Variants in LDB1 observed in about 807,000 individuals in gnomAD.
The protein encoded by LDB1 is LIM domain binding 1, also known as LIM domain-binding protein 1.
LDB1 carries 6 observed loss-of-function variants against 49.7 expected under a neutral mutation model. The observed-to-expected ratio is 0.12, with a 90% CI of 0.07 to 0.24. The LOEUF is 0.24. LDB1 is among the 10% of genes least tolerant of loss of function. The pLI is 1.00. For missense variants in LDB1, 341 were observed against 561.7 expected (o/e 0.61, Z 3.97); for synonymous variants, 233 against 202.0 (o/e 1.15, Z -1.30).
intron 1 of LDB1, among the ~76,000 whole-genome samples, chr10:102,118,280 T>C (rs2068358789): frequency 6.6e-6 from 1 of 152,090 alleles, no homozygotes; most frequent in Non-Finnish European, 1.5e-5. Flanking sequence ...CCACCCTCTT[T>C]GGCATCAATC....
Position 102,111,482 on chromosome 10 carries a change from T to C in LDB1, c.80A>G (p.Asn27Ser). The change falls in exon 2 of 11, where the codon AAC becomes AGC. Residue 27 changes from asparagine to serine, a missense_variant. Coordinates refer to ENST00000673968, the MANE Select transcript of LDB1 (RefSeq NM_001113407.3). ...GCCGGGATGGAAGGGGGGAAAGGCG[T>C]TGCCGTTCGGGGGCTCCTTCGGCGA... The part of the protein sequence containing the change: ...LYSPKEPPNG[N>S]AFPPFHPGTM... 1 of 1,560,418 alleles carries C rather than the reference T, an allele frequency of 6.4e-7. No homozygotes were observed. The highest frequency in any genetic ancestry group is 8.7e-7 in the Non-Finnish European group (1 of 1,152,590).
In LDB1 at chr10:102,111,087, C is replaced by A. The variant is rs1481139845; in HGVS notation, c.231G>T (p.Arg77=). Residue 77 remains arginine (R), a synonymous_variant, in exon 4 of 11, where the codon CGG becomes CGT. Transcript: ENST00000673968. ...GCCATACCTCTGTCCAGTTCTGAAG[C>A]CGTTTGTTAAGCTCAAATATTCTGT... The part of the protein sequence containing the change: ...TDYRIFELNK[R]LQNWTEECDN... The A allele has an allele frequency of 7.4e-6, 12 of 1,614,152 alleles. No homozygotes were observed. Among genetic ancestry groups the A allele is most frequent in the Non-Finnish European group, 1.0e-5 (12 of 1,180,014 alleles).
In LDB1 at chr10:102,117,947, G is replaced by A. The variant is rs1214086446; in HGVS notation, c.25+2139C>T. On this transcript the variant is annotated intron_variant, in intron 1 of 10. Coordinates refer to ENST00000673968, the MANE Select transcript of LDB1 (RefSeq NM_001113407.3). The surrounding 1 kb of genome is among the most constrained non-coding windows in gnomAD (Gnocchi z 4.2). Reference sequence around the variant, plus strand: ...TCCCTCAGTCACATGTGTGGGGCATGTGCTGTCTCTGCCGGGCTGGGGGAG... The same window carrying A: ...TCCCTCAGTCACATGTGTGGGGCATATGCTGTCTCTGCCGGGCTGGGGGAG... 6.6e-6 allele frequency among the ~76,000 whole-genome samples: 1 copy of A among 152,140 alleles called. No individual in the cohort carries two copies. Among genetic ancestry groups the A allele is most frequent in the African/African-American group, 2.4e-5 (1 of 41,414 alleles).
intron 6 of LDB1, among the ~76,000 whole-genome samples, 176 bp from the exon 7 acceptor site, chr10:102,110,219 C>G (rs1366560291): frequency 6.6e-6 from 1 of 152,110 alleles, no homozygotes; most frequent in East Asian, 1.9e-4. Flanking sequence ...CTGGCCCTTA[C>G]ACACACAGAC....
At chr10:102,120,035 C>T in intron 1 of LDB1, 51 bp downstream of exon 1, 1 of 1,374,662 alleles carries the variant, frequency 7.3e-7, no homozygotes, top group Non-Finnish European at 9.7e-7. Flanking sequence ...GTGAGGGGTC[C>T]GCAGGGACGG....
In LDB1 at chr10:102,109,001, G is replaced by C. The variant is rs757171881; in HGVS notation, c.1005+28C>G. ...CAGGGGTGAGTGGTGGGGCAGCCCAGAAGAGAGAAGAAAGCCGAGATGCTT... is the reference window on the plus strand; with the variant it reads ...CAGGGGTGAGTGGTGGGGCAGCCCACAAGAGAGAAGAAAGCCGAGATGCTT... On this transcript the variant is annotated intron_variant, in intron 10 of 10. Transcript: ENST00000673968. The surrounding 1 kb of genome is among the most constrained non-coding windows in gnomAD (Gnocchi z 5.8). The C allele has an allele frequency of 6.2e-7, 1 of 1,614,194 alleles. No homozygotes were observed. Among genetic ancestry groups the C allele is most frequent in the East Asian group, 2.2e-5 (1 of 44,892 alleles).
chr10:102,119,226 G>A (rs568631576), intron 1 of LDB1, among the ~76,000 whole-genome samples: 2 of 152,208 alleles, frequency 1.3e-5, no homozygotes, highest in East Asian at 3.9e-4. Context: ...TGTGCCGTGA[G>A]GCCCTCTGTA....
intron 5 of LDB1, 49 bp from the exon 6 acceptor site, chr10:102,110,750 C>G (rs370183394): frequency 3.3e-5 from 53 of 1,591,414 alleles, no homozygotes; most frequent in Non-Finnish European, 4.4e-5. Flanking sequence ...GCAAAAGGGG[C>G]CAGGCAGATG....
chr10:102,120,048 G>A, intron 1 of LDB1, 38 bp downstream of exon 1: 1 of 1,409,800 alleles, frequency 7.1e-7, no homozygotes, highest in Non-Finnish European at 9.4e-7. Context: ...AGGGACGGCT[G>A]GGCAGGAAGG....
At chr10:102,110,772 A>T in intron 5 of LDB1, 71 bp from the exon 6 acceptor site, 1 of 1,578,222 alleles carries the variant, frequency 6.3e-7, no homozygotes, top group Non-Finnish European at 8.7e-7. Context: ...CTCCCCTACC[A>T]ATCTAGATAT....
chr10:102,120,389 G>C, upstream of LDB1: 2 of 981,506 alleles, frequency 2.0e-6, no homozygotes, highest in Non-Finnish European at 2.4e-6. Context: ...GCGTGTGTGC[G>C]CGTGTGCGTG....
intron 1 of LDB1, chr10:102,114,479 G>GGGCTGAC: frequency 1.0e-6 from 1 of 986,330 alleles, no homozygotes; most frequent in Non-Finnish European, 1.2e-6. Context: ...GCAGGGGTGA[G>GGGCTGAC]GGCTGACGGG....
chr10:102,115,983 T>C (rs960758098), intron 1 of LDB1, among the ~76,000 whole-genome samples: 19 of 151,974 alleles, frequency 1.3e-4, no homozygotes, highest in Admixed American at 1.0e-3. Flanking sequence ...TTTCCTTCTT[T>C]GCAATTTGAG....
chr10:102,111,926 G>A (rs772337137), intron 1 of LDB1, among the ~76,000 whole-genome samples: 3 of 152,166 alleles, frequency 2.0e-5, no homozygotes, highest in Non-Finnish European at 2.9e-5. Context: ...GATAGGGACG[G>A]TCTTATGGAG....
Position 102,111,625 on chromosome 10 carries a change from T to G in LDB1, c.26-89A>C. 14 of 715,112 alleles carry G rather than the reference T, an allele frequency of 2.0e-5. No homozygotes were observed. The South Asian group carries it at 2.7e-4, about 14-fold the overall frequency. The allele number at this position is 715,112 out of a possible 1,614,324, so 44.3% of individuals were successfully genotyped here. On this transcript the variant is annotated intron_variant, in intron 1 of 10. Transcript: ENST00000673968. ...GGGAGTCCAAGGCAAGAAGATTGAT[T>G]GAGCACAGGAGGTCGAGGCTGCAGG...
At chr10:102,102,373 C>A (rs964217587), downstream of LDB1, among the ~76,000 whole-genome samples, 5 of 152,228 alleles carry the variant, frequency 3.3e-5, no homozygotes, top group Non-Finnish European at 4.4e-5. Context: ...ATCCTCCAGG[C>A]AGCCTCAGTT....
rs182809013 is a variant in LDB1, at chr10:102,116,358, T to G, written c.25+3728A>C. ...CACCACACCCAGCTAATTTTTGTAT[T>G]TTTAGTAGAGACAGGTTTCACTATG... On this transcript the variant is annotated intron_variant, in intron 1 of 10. Coordinates refer to ENST00000673968, the MANE Select transcript of LDB1 (RefSeq NM_001113407.3). Among the ~76,000 whole-genome samples, 854 of 152,230 alleles carry G rather than the reference T, an allele frequency of 5.6e-3. 8 individuals carry two copies. The highest frequency in any genetic ancestry group is 6.2e-3 in the Non-Finnish European group (423 of 68,002).
rs776247140 is a variant in LDB1 at position 102,109,612 on chromosome 10, G to T, written c.720C>A (p.Leu240=). The part of the protein sequence containing the change: ...ITRCGLSNST[L]NYLRLCVILE... ...GTCGGAGACTCACTCGGAGGTAGTT[G>T]AGAGTGGAATTGGACAGCCCACACC... The change falls in exon 8 of 11, where the codon CTC becomes CTA. Residue 240 remains leucine, a synonymous_variant. Transcript: ENST00000673968. The surrounding 1 kb of genome is among the most constrained non-coding windows in gnomAD (Gnocchi z 5.8). 2 of 1,614,072 alleles carry T rather than the reference G, an allele frequency of 1.2e-6. No homozygotes were observed. The highest frequency in any genetic ancestry group is 1.7e-6 in the Non-Finnish European group (2 of 1,179,986).
intron 10 of LDB1, 42 bp from the exon 11 acceptor site, chr10:102,108,365 C>A: frequency 5.2e-6 from 8 of 1,538,288 alleles, no homozygotes; most frequent in African/African-American, 2.7e-5. Context: ...GGGGCAAGGG[C>A]TCGCCCGGCC....
Sources: gnomAD v4.1 joint callset for allele counts (sites outside exome capture counted in the v4.1 genomes callset) on GRCh38, gnomAD v4.1.1 for gene constraint, Gnocchi (gnomAD v3.1) non-coding constraint, MANE v1.5 for transcripts, NCBI Gene and HGNC (gene_info 2026-07-23, HGNC 2026-07-21) for gene names.